The following C7orf78 variants were observed in gnomAD, a reference collection of about 807,000 sequenced individuals.
C7orf78 encodes chromosome 7 open reading frame 78.
At chr7:12,503,609 C>CT in the C7orf78 span, among the ~76,000 whole-genome samples, 32 of 144,628 alleles carry the variant, frequency 2.2e-4, no homozygotes, top group Admixed American at 4.8e-4. Context: ...AGTTTTCTTT[C>CT]TTTTTTTTTT....
At chr7:12,496,172 C>A in the C7orf78 span, among the ~76,000 whole-genome samples, 14,513 of 152,138 alleles carry the variant, frequency 0.095, 851 homozygotes, top group Non-Finnish European at 0.13. Flanking sequence ...TGATCCGCCG[C>A]CCTCGGCCTC....
the C7orf78 span, chr7:12,491,185 G>T: frequency 6.6e-6 from 1 of 152,120 alleles, no homozygotes; most frequent in African/African-American, 2.4e-5. Flanking sequence ...TCTTATCATT[G>T]TTAACTGTAA....
the C7orf78 span, among the ~76,000 whole-genome samples, chr7:12,514,486 G>A: frequency 6.1e-4 from 92 of 151,728 alleles, no homozygotes; most frequent in South Asian, 1.5e-3. Context: ...ATGTTTTTGT[G>A]TCTGTTCAGC....
the C7orf78 span, among the ~76,000 whole-genome samples, chr7:12,493,284 A>G: frequency 1.3e-5 from 2 of 152,248 alleles, no homozygotes; most frequent in African/African-American, 4.8e-5. Context: ...ATTGCTATTA[A>G]AGTAGATTAA....
the C7orf78 span, among the ~76,000 whole-genome samples, chr7:12,498,188 CA>C: frequency 3.9e-5 from 6 of 151,992 alleles, no homozygotes; most frequent in East Asian, 1.2e-3. Flanking sequence ...TCTCCTCCTC[CA>C]AAGGAACGCA....
the C7orf78 span, among the ~76,000 whole-genome samples, chr7:12,539,334 C>G: frequency 6.6e-6 from 1 of 151,984 alleles, no homozygotes; most frequent in Non-Finnish European, 1.5e-5. Flanking sequence ...CGTGGTGGCA[C>G]GCACCTGTAG....
the C7orf78 span, among the ~76,000 whole-genome samples, chr7:12,512,945 C>T: frequency 5.9e-5 from 9 of 152,132 alleles, no homozygotes; most frequent in East Asian, 1.7e-3. Context: ...CTTGGTTTTT[C>T]ACTTTATATG....
At chr7:12,491,459 G>C in the C7orf78 span, 7 of 152,080 alleles carry the variant, frequency 4.6e-5, no homozygotes, top group Non-Finnish European at 2.9e-5. Context: ...TGTTTTCTTT[G>C]GTTGAAATTC....
the C7orf78 span, chr7:12,504,364 C>G: frequency 6.6e-6 from 1 of 152,148 alleles, no homozygotes; most frequent in Non-Finnish European, 1.5e-5. Context: ...TCTACTCTGA[C>G]TTGAGTCTGG....
chr7:12,508,038 G>A, the C7orf78 span, among the ~76,000 whole-genome samples: 27 of 152,152 alleles, frequency 1.8e-4, no homozygotes, highest in East Asian at 5.8e-4. Context: ...TACGTTCTCC[G>A]GCTTCTTTGA....
At chr7:12,483,404 A>G in the C7orf78 span, 2 of 152,340 alleles carry the variant, frequency 1.3e-5, no homozygotes, top group South Asian at 4.1e-4. Context: ...GATTTGAGAC[A>G]AGGAAAAACA....
the C7orf78 span, among the ~76,000 whole-genome samples, chr7:12,503,163 G>A: frequency 7.4e-6 from 1 of 135,266 alleles, no homozygotes; most frequent in Admixed American, 7.0e-5. Context: ...CAGCACACCA[G>A]CATGGCACAT....
At chr7:12,501,183 T>C in the C7orf78 span, among the ~76,000 whole-genome samples, 38,303 of 109,612 alleles carry the variant, frequency 0.35, 6,987 homozygotes, top group Non-Finnish European at 0.36. Flanking sequence ...GACAGGGATG[T>C]CCTCTCTCAC....
the C7orf78 span, among the ~76,000 whole-genome samples, chr7:12,500,619 A>T: frequency 0.16 from 24,139 of 151,698 alleles, 2,324 homozygotes; most frequent in South Asian, 0.24. Context: ...GTCCAGGACC[A>T]GATGGATTCA....
At chr7:12,510,292 T>C in the C7orf78 span, among the ~76,000 whole-genome samples, 4 of 151,892 alleles carry the variant, frequency 2.6e-5, no homozygotes, top group African/African-American at 9.7e-5. Context: ...TCAGGAGATC[T>C]TCCTACCTCA....
At chr7:12,513,421 G>A in the C7orf78 span, among the ~76,000 whole-genome samples, 3 of 151,968 alleles carry the variant, frequency 2.0e-5, no homozygotes, top group African/African-American at 7.3e-5. Context: ...TTCTTTTGCT[G>A]TATCCCACAG....
At chr7:12,510,096 A>G in the C7orf78 span, among the ~76,000 whole-genome samples, 1 of 150,270 alleles carries the variant, frequency 6.7e-6, no homozygotes, top group Admixed American at 6.7e-5. Context: ...CGGGTATTCT[A>G]TTATGTGTAT....
the C7orf78 span, among the ~76,000 whole-genome samples, chr7:12,497,010 C>T: frequency 1.3e-5 from 2 of 152,134 alleles, no homozygotes; most frequent in Non-Finnish European, 2.9e-5. Flanking sequence ...TGGTGGCAAA[C>T]TTTCACTTTA....
the C7orf78 span, among the ~76,000 whole-genome samples, chr7:12,509,774 T>C: frequency 6.6e-6 from 1 of 152,180 alleles, no homozygotes; most frequent in Non-Finnish European, 1.5e-5. Flanking sequence ...TCTATCTCCA[T>C]CCATGTTACT....
Sources: gnomAD v4.1 joint callset for allele counts (sites outside exome capture counted in the v4.1 genomes callset) on GRCh38, gnomAD v4.1.1 for gene constraint, MANE v1.5 for transcripts, NCBI Gene and HGNC (gene_info 2026-07-23, HGNC 2026-07-21) for gene names.